SYCP2L: variants seen among roughly 807,000 people sequenced by gnomAD.
SYCP2L encodes synaptonemal complex protein 2 like.
In SYCP2L, 98 loss-of-function variants were observed where a neutral mutation model predicts 125.8. That is an observed-to-expected ratio of 0.78 (90% CI 0.66 to 0.92). The LOEUF is 0.92. Among genes scored for constraint, SYCP2L ranks in the 40% least tolerant of loss-of-function variants. SYCP2L has a pLI of 0.00. For synonymous variants in SYCP2L, 317 were observed against 325.4 expected (o/e 0.97, Z 0.28); for missense variants, 842 against 936.4 (o/e 0.90, Z 1.32).
At chr6:10,913,701 C>A (rs950553569) in intron 14 of SYCP2L, among the ~76,000 whole-genome samples, 1 of 152,034 alleles carries the variant, frequency 6.6e-6, no homozygotes, top group Non-Finnish European at 1.5e-5. Flanking sequence ...CCTTTTGCCA[C>A]GCAAAAGATC....
At chr6:10,887,243 G>C in intron 1 of SYCP2L, 108 bp downstream of exon 1, 1 of 1,479,228 alleles carries the variant, frequency 6.8e-7, no homozygotes, top group South Asian at 1.2e-5. Context: ...TTCGCTCAGA[G>C]ACCGGGTGCT....
chr6:10,932,073 A>G (rs1336956071), intron 20 of SYCP2L, among the ~76,000 whole-genome samples: 1 of 149,712 alleles, frequency 6.7e-6, no homozygotes, highest in Non-Finnish European at 1.5e-5. Context: ...GGCTATTCCA[A>G]TTTCCTGCAA....
intron 6 of SYCP2L, among the ~76,000 whole-genome samples, chr6:10,900,753 C>A (rs1780362619): frequency 6.6e-6 from 1 of 152,190 alleles, no homozygotes; most frequent in Non-Finnish European, 1.5e-5. Context: ...TCAAATACCA[C>A]ACTGAGGGTT....
chr6:10,898,942 T>TAAAA (rs1780331093), intron 6 of SYCP2L, 94 bp downstream of exon 6: 2 of 829,772 alleles, frequency 2.4e-6, no homozygotes, highest in South Asian at 2.9e-5. Flanking sequence ...AAAAGTAAAG[T>TAAAA]GAGTTTAAAC....
chr6:10,899,132 T>G (rs1780334847), intron 6 of SYCP2L, among the ~76,000 whole-genome samples: 1 of 152,218 alleles, frequency 6.6e-6, no homozygotes, highest in South Asian at 2.1e-4. Context: ...ATGCAAAAAT[T>G]TAGCTACTAC....
At position 10,958,812 on chromosome 6, in the gene SYCP2L, C is replaced by T. The variant is rs1207651277; in HGVS notation, c.2192C>T (p.Ser731Leu). The change falls in exon 26 of 30, where the codon TCA (serine) becomes TTA (leucine). Residue 731 changes from serine to leucine, a missense_variant. Ser to Leu is a moderately radical substitution (Grantham distance 145). Transcript: ENST00000283141. ...AGGTACAGAAAGCGTCCGTTTAATT[C>T]AGAAAATGCAAAGAAAGCACCGGAT... ...ELRYRKRPFN[S>L]ENAKKAPDCL... 1 of 1,613,588 alleles carries T rather than the reference C, an allele frequency of 6.2e-7. No individual in the cohort carries two copies. The highest frequency in any genetic ancestry group is 8.5e-7 in the Non-Finnish European group (1 of 1,179,888).
rs771654832 is a variant in SYCP2L, at chr6:10,910,224, T to C, written c.872+24T>C. On this transcript the variant is annotated intron_variant, in intron 11 of 29. Transcript: ENST00000283141. ...AGGTAAGTTGTGTCTCTGAGCATTATTGACTAGTTGTATTCTGAAAATGTC... is the reference window on the plus strand; with the variant it reads ...AGGTAAGTTGTGTCTCTGAGCATTACTGACTAGTTGTATTCTGAAAATGTC... 9.4e-6 allele frequency: 15 copies of C among 1,601,498 alleles called. No homozygotes were observed. In the Middle Eastern group the frequency reaches 5.1e-4, roughly 54 times the overall value.
At chr6:10,898,455 T>C (rs2113294856) in intron 5 of SYCP2L, among the ~76,000 whole-genome samples, 1 of 152,254 alleles carries the variant, frequency 6.6e-6, no homozygotes, top group South Asian at 2.1e-4. Context: ...GGAGCTTATA[T>C]AGTGAGCCGA....
chr6:10,912,797 G>A lies in SYCP2L; in HGVS notation c.1011+32G>A, dbSNP rs1334958090. On this transcript the variant is annotated intron_variant, in intron 13 of 29. Transcript: ENST00000283141. This position sits in a 1 kb window ranked among gnomAD's most constrained non-coding sequence, Gnocchi z 4.1. ...ATGTTCGATTCTTGGTTAGAACTAAGCCTTTAGAGATCTTTTTTATGTAAG... is the reference window on the plus strand; with the variant it reads ...ATGTTCGATTCTTGGTTAGAACTAAACCTTTAGAGATCTTTTTTATGTAAG... 1.2e-6 allele frequency: 2 copies of A among 1,608,168 alleles called. No homozygotes were observed. The highest frequency in any genetic ancestry group is 1.7e-5 in the Admixed American group (1 of 59,868).
intron 26 of SYCP2L, among the ~76,000 whole-genome samples, chr6:10,960,181 G>A (rs1781572282): frequency 6.6e-6 from 1 of 152,202 alleles, no homozygotes; most frequent in East Asian, 1.9e-4. Context: ...TGAAGGAAGG[G>A]AAGAAAGGAA....
chr6:10,938,554 C>A (rs369661189), intron 21 of SYCP2L, among the ~76,000 whole-genome samples: 1 of 152,162 alleles, frequency 6.6e-6, no homozygotes, highest in African/African-American at 2.4e-5. Flanking sequence ...AAGTCCTACC[C>A]AGTTCTATCC....
At chr6:10,956,030 G>A (rs1283647194) in intron 24 of SYCP2L, 106 bp from the exon 25 acceptor site, 6 of 867,638 alleles carry the variant, frequency 6.9e-6, no homozygotes, top group South Asian at 3.2e-5. Flanking sequence ...TCCATGGTTC[G>A]CATCTGTGCT....
At chr6:10,959,869 C>CA (rs201059528) in intron 26 of SYCP2L, among the ~76,000 whole-genome samples, 35,135 of 126,002 alleles carry the variant, frequency 0.28, 4,637 homozygotes, top group South Asian at 0.31. Context: ...AACTCTGTCT[C>CA]AAAAAAAAAA....
intron 14 of SYCP2L, among the ~76,000 whole-genome samples, chr6:10,917,293 CTA>C (rs1192743158): frequency 3.9e-5 from 6 of 152,160 alleles, no homozygotes; most frequent in Non-Finnish European, 8.8e-5. Context: ...TTTCTTAAGT[CTA>C]TTAGTAATTG....
intron 17 of SYCP2L, 127 bp from the exon 18 acceptor site, chr6:10,928,276 C>T (rs1780933712): frequency 2.9e-5 from 15 of 509,122 alleles, no homozygotes; most frequent in Non-Finnish European, 4.4e-5. Flanking sequence ...TGATAAGTGT[C>T]CATGAAATCT....
chr6:10,930,381 C>T lies in SYCP2L; in HGVS notation c.1500C>T (p.Tyr500=), dbSNP rs777021814. 1 of 1,612,218 alleles carries T rather than the reference C, an allele frequency of 6.2e-7. No individual in the cohort carries two copies. Among genetic ancestry groups the T allele is most frequent in the Admixed American group, 1.7e-5 (1 of 59,534 alleles). ...ATCTGTGCTTGTAGAAGTCTCATTA[C>T]AGAAAACATCTCTTCTCTGAGAGTA... ...PDFPQQPKSH[Y]RKHLFSESNQ... The change falls in exon 19 of 30, where the codon TAC becomes TAT. Residue 500 remains tyrosine, a synonymous_variant. Transcript: ENST00000283141.
intron 29 of SYCP2L, among the ~76,000 whole-genome samples, chr6:10,973,196 A>C (rs1017802493): frequency 1.1e-4 from 17 of 152,216 alleles, no homozygotes; most frequent in Admixed American, 2.0e-4. Context: ...CTGTTCCCTC[A>C]GTTGATATCA....
intron 23 of SYCP2L, among the ~76,000 whole-genome samples, chr6:10,944,684 C>A (rs1178859047): frequency 6.6e-6 from 1 of 151,730 alleles, no homozygotes; most frequent in Non-Finnish European, 1.5e-5. Flanking sequence ...ATATATTTGT[C>A]ATTATTTACT....
At position 10,954,544 on chromosome 6, in the gene SYCP2L, A is replaced by G. The variant is rs144245681; in HGVS notation, c.1955-572A>G. On this transcript the variant is annotated intron_variant, in intron 23 of 29. Transcript: ENST00000283141. The surrounding 1 kb of genome is among the most constrained non-coding windows in gnomAD (Gnocchi z 4.8). Reference sequence around the variant, plus strand: ...ATTGATAAGATGATGAGGACCAGACATGTCTGGGATAAAAGTGAACATCAG... The same window carrying G: ...ATTGATAAGATGATGAGGACCAGACGTGTCTGGGATAAAAGTGAACATCAG... 7.6e-4 allele frequency among the ~76,000 whole-genome samples: 116 copies of G among 152,274 alleles called. No homozygotes were observed. The highest frequency in any genetic ancestry group is 2.6e-3 in the African/African-American group (108 of 41,552).
Sources: allele counts gnomAD v4.1 joint callset (sites outside exome capture counted in the v4.1 genomes callset), GRCh38; gene constraint gnomAD v4.1.1; non-coding constraint Gnocchi (gnomAD v3.1); transcripts MANE v1.5; gene names NCBI Gene and HGNC (gene_info 2026-07-23, HGNC 2026-07-21).